RNF220: variants seen among roughly 807,000 people sequenced by gnomAD.
RNF220 encodes the protein ring finger protein 220.
A neutral mutation model predicts 67.1 loss-of-function variants in RNF220; 7 were observed. The ratio of observed to expected loss-of-function variants is 0.10; its 90% CI spans 0.06 to 0.20. The LOEUF is 0.20. Among genes scored for constraint, RNF220 ranks in the 10% least tolerant of loss-of-function variants. The probability of loss-of-function intolerance (pLI) is 1.00; values close to 1 mark genes in which losing one functional copy is unlikely to be tolerated. For synonymous variants in RNF220, 270 were observed against 283.2 expected (o/e 0.95, Z 0.47); for missense variants, 565 against 740.3 (o/e 0.76, Z 2.75).
chr1:44,480,299 CAG>C (rs1296683028), intron 2 of RNF220, among the ~76,000 whole-genome samples: 5 of 151,810 alleles, frequency 3.3e-5, no homozygotes, highest in Middle Eastern at 3.2e-3. Flanking sequence ...CCCAGCTACT[CAG>C]GGGGCTGAGG....
chr1:44,616,327 A>G (rs1184803954), intron 3 of RNF220, among the ~76,000 whole-genome samples: 2 of 152,204 alleles, frequency 1.3e-5, no homozygotes, highest in African/African-American at 4.8e-5. Flanking sequence ...ATGGGCATAT[A>G]AGACTATACC....
At chr1:44,513,518 T>C (rs910436950) in intron 2 of RNF220, among the ~76,000 whole-genome samples, 1 of 151,610 alleles carries the variant, frequency 6.6e-6, no homozygotes, top group Non-Finnish European at 1.5e-5. Flanking sequence ...CTTCTGAAAG[T>C]GATGGAGCGA....
intron 2 of RNF220, among the ~76,000 whole-genome samples, chr1:44,437,193 T>C (rs995616124): frequency 3.3e-5 from 5 of 152,292 alleles, no homozygotes; most frequent in African/African-American, 1.2e-4. Flanking sequence ...CGGTAGACTT[T>C]CTGTTTCCAA....
At chr1:44,595,586 C>G (rs546503301) in intron 2 of RNF220, among the ~76,000 whole-genome samples, 11 of 152,176 alleles carry the variant, frequency 7.2e-5, no homozygotes, top group Middle Eastern at 3.4e-3. Context: ...GATCACATCC[C>G]CAGCCCTGGC....
intron 2 of RNF220, among the ~76,000 whole-genome samples, chr1:44,593,686 C>T (rs1196086292): frequency 2.6e-5 from 4 of 152,122 alleles, no homozygotes; most frequent in African/African-American, 9.7e-5. Context: ...CGCCACTGCA[C>T]CAGCCTGGGT....
intron 2 of RNF220, among the ~76,000 whole-genome samples, chr1:44,489,059 C>T (rs1656615737): frequency 6.6e-6 from 1 of 152,100 alleles, no homozygotes; most frequent in Admixed American, 6.5e-5. Context: ...TTAAAAAGTG[C>T]TCATTACCAC....
At chr1:44,521,194 G>C (rs533920202) in intron 2 of RNF220, among the ~76,000 whole-genome samples, 1 of 152,320 alleles carries the variant, frequency 6.6e-6, no homozygotes, top group African/African-American at 2.4e-5. Context: ...ACCACCTAAG[G>C]TGAAATTTAA....
chr1:44,429,693 T>G (rs928955286), intron 2 of RNF220, among the ~76,000 whole-genome samples: 4 of 152,232 alleles, frequency 2.6e-5, no homozygotes, highest in Non-Finnish European at 4.4e-5. Flanking sequence ...AAGGAATTGT[T>G]AGTAATTTGT....
chr1:44,602,628 CCCT>C (rs1284838826), intron 2 of RNF220, among the ~76,000 whole-genome samples: 1 of 151,990 alleles, frequency 6.6e-6, no homozygotes, highest in Non-Finnish European at 1.5e-5. Flanking sequence ...AACTTGATGT[CCCT>C]CCTCCTTCAC....
At chr1:44,451,414 A>G (rs571479508) in intron 2 of RNF220, among the ~76,000 whole-genome samples, 27 of 152,076 alleles carry the variant, frequency 1.8e-4, no homozygotes, top group Admixed American at 1.4e-3. Context: ...GATTATTTCT[A>G]TTTGTTCTGT....
At chr1:44,413,719 C>T (rs543832706) in intron 2 of RNF220, among the ~76,000 whole-genome samples, 6 of 152,186 alleles carry the variant, frequency 3.9e-5, no homozygotes, top group Non-Finnish European at 8.8e-5. Flanking sequence ...AAGAAAACTA[C>T]ATCTGAGGTT....
chr1:44,439,718 A>G (rs1285840487), intron 2 of RNF220, among the ~76,000 whole-genome samples: 1 of 152,112 alleles, frequency 6.6e-6, no homozygotes, highest in Non-Finnish European at 1.5e-5. Flanking sequence ...AAAGCTATTC[A>G]AATGTGCAGT....
chr1:44,433,095 A>G (rs976386828), intron 2 of RNF220, among the ~76,000 whole-genome samples: 3 of 151,832 alleles, frequency 2.0e-5, no homozygotes, highest in African/African-American at 4.8e-5. Context: ...ACACCTGGCT[A>G]ATTTTTGTAT....
intron 2 of RNF220, among the ~76,000 whole-genome samples, chr1:44,510,131 C>T (rs904192535): frequency 6.7e-6 from 1 of 149,426 alleles, no homozygotes; most frequent in African/African-American, 2.5e-5. Context: ...CCCAGCTACT[C>T]AGGAGGCTGA....
intron 2 of RNF220, among the ~76,000 whole-genome samples, chr1:44,594,800 G>A (rs1340471763): frequency 6.6e-6 from 1 of 152,214 alleles, no homozygotes; most frequent in Non-Finnish European, 1.5e-5. Flanking sequence ...GGGCTAGGAG[G>A]TAGGGCTGGG....
intron 2 of RNF220, among the ~76,000 whole-genome samples, chr1:44,525,106 C>G (rs1285972970): frequency 6.6e-6 from 1 of 152,152 alleles, no homozygotes; most frequent in Non-Finnish European, 1.5e-5. Context: ...ATTTCTCAAG[C>G]TGTCTGGAAA....
At chr1:44,589,303 A>T (rs148149076) in intron 2 of RNF220, among the ~76,000 whole-genome samples, 2 of 152,226 alleles carry the variant, frequency 1.3e-5, no homozygotes, top group Non-Finnish European at 2.9e-5. Context: ...CTTATCTGTG[A>T]AATAGGTATA....
chr1:44,425,539 A>G (rs1649675157), intron 2 of RNF220, among the ~76,000 whole-genome samples: 1 of 152,158 alleles, frequency 6.6e-6, no homozygotes, highest in African/African-American at 2.4e-5. Flanking sequence ...CATGTTTACA[A>G]GTGGGAGGTG....
At chr1:44,545,440 G>A (rs746698814) in intron 2 of RNF220, 49 of 154,298 alleles carry the variant, frequency 3.2e-4, no homozygotes, top group South Asian at 1.2e-3. Flanking sequence ...GGCAGTTCAC[G>A]TTATTCCCAC....
Sources: gnomAD v4.1 joint callset for allele counts (sites outside exome capture counted in the v4.1 genomes callset) on GRCh38, gnomAD v4.1.1 for gene constraint, MANE v1.5 for transcripts, NCBI Gene and HGNC (gene_info 2026-07-23, HGNC 2026-07-21) for gene names.